DRD2: variants seen among roughly 807,000 people sequenced by gnomAD.
The protein encoded by DRD2 is dopamine receptor D2.
Under a neutral mutation model 38.0 loss-of-function variants are expected in DRD2, and 8 were observed. The ratio of observed to expected loss-of-function variants is 0.21; its 90% CI spans 0.12 to 0.38. The LOEUF (loss-of-function observed/expected upper bound fraction) is 0.38, where lower values mean the gene tolerates loss of function less well. DRD2 is among the 10% of genes least tolerant of loss of function. The pLI is 1.00. For missense variants in DRD2, 403 were observed against 607.7 expected, an observed-to-expected ratio of 0.66 and a Z score of 3.54; for synonymous variants, 230 against 238.6, an observed-to-expected ratio of 0.96 and a Z score of 0.33.
intron 1 of DRD2, among the ~76,000 whole-genome samples, chr11:113,459,645 G>C (rs567082985): frequency 3.0e-4 from 46 of 152,318 alleles, no homozygotes; most frequent in African/African-American, 1.0e-3. Flanking sequence ...GGGAAGGGGA[G>C]GGGGAGATGG....
chr11:113,424,271 A>T (rs77162257), intron 2 of DRD2, 96 bp downstream of exon 2: 1 of 1,376,680 alleles, frequency 7.3e-7, no homozygotes, highest in Non-Finnish European at 1.0e-6. Context: ...GCACCAGGAA[A>T]CTCATTGGTA....
At chr11:113,427,483 C>T (rs1436859313) in intron 1 of DRD2, among the ~76,000 whole-genome samples, 2 of 152,108 alleles carry the variant, frequency 1.3e-5, no homozygotes, top group Non-Finnish European at 2.9e-5. Context: ...AGAGTTACAA[C>T]ATGTCTTGCT....
chr11:113,472,962 T>C (rs1351869364), intron 1 of DRD2, among the ~76,000 whole-genome samples: 1 of 152,168 alleles, frequency 6.6e-6, no homozygotes, highest in African/African-American at 2.4e-5. Flanking sequence ...TCAGCAAAGA[T>C]TTAATCAGGG....
chr11:113,473,889 G>T (rs1490384196), intron 1 of DRD2, among the ~76,000 whole-genome samples: 1 of 152,248 alleles, frequency 6.6e-6, no homozygotes, highest in Non-Finnish European at 1.5e-5. Flanking sequence ...TGCATTTGAA[G>T]CAGGGTGGGA....
At chr11:113,470,353 G>A (rs749887752) in intron 1 of DRD2, among the ~76,000 whole-genome samples, 1 of 152,164 alleles carries the variant, frequency 6.6e-6, no homozygotes, top group Non-Finnish European at 1.5e-5. Context: ...GATTATCGTT[G>A]GGGCCACAGC....
chr11:113,412,434 G>A, intron 7 of DRD2, 122 bp downstream of exon 7: 2 of 1,233,820 alleles, frequency 1.6e-6, no homozygotes, highest in Non-Finnish European at 2.3e-6. Context: ...TATGTCAATG[G>A]GCTTGGCCTG....
rs1565658184 is a variant in DRD2 at position 113,410,775 on chromosome 11, G to A, written c.1284C>T (p.Thr428=). The change falls in exon 8 of 8, where the codon ACC becomes ACT. Residue 428 remains threonine, a synonymous_variant. Transcript: ENST00000362072. ...AGGCCTTGCGGAACTCAATGTTGAA[G>A]GTGGTGTAGATGATGGGGTTCACGG... ...NSAVNPIIYT[T]FNIEFRKAFL... 2 of 1,614,234 alleles carry A rather than the reference G, an allele frequency of 1.2e-6. No individual in the cohort carries two copies. Among genetic ancestry groups the A allele is most frequent in the East Asian group, 2.2e-5 (1 of 44,896 alleles).
chr11:113,441,602 AT>A (rs1450614309), intron 1 of DRD2, among the ~76,000 whole-genome samples: 4 of 152,220 alleles, frequency 2.6e-5, no homozygotes, highest in Admixed American at 6.5e-5. Context: ...GGTCGTCCAG[AT>A]AGTCCCCTTT....
At chr11:113,462,668 T>C (rs978540442) in intron 1 of DRD2, among the ~76,000 whole-genome samples, 2 of 152,214 alleles carry the variant, frequency 1.3e-5, no homozygotes, top group Non-Finnish European at 2.9e-5. Flanking sequence ...CTGTGAGCTC[T>C]ACAGAGGTTC....
At chr11:113,472,082 T>C (rs1951433136) in intron 1 of DRD2, among the ~76,000 whole-genome samples, 1 of 152,128 alleles carries the variant, frequency 6.6e-6, no homozygotes, top group Non-Finnish European at 1.5e-5. Flanking sequence ...CGGGGAGAAG[T>C]GGTGGGTGCC....
chr11:113,452,534 C>T (rs528767990), intron 1 of DRD2, among the ~76,000 whole-genome samples: 15 of 151,906 alleles, frequency 9.9e-5, no homozygotes, highest in African/African-American at 3.6e-4. Context: ...GATCCACCCT[C>T]ACCTCCCCAG....
chr11:113,419,088 G>A (rs1950855894), intron 2 of DRD2, among the ~76,000 whole-genome samples: 1 of 152,216 alleles, frequency 6.6e-6, no homozygotes, highest in Non-Finnish European at 1.5e-5. Flanking sequence ...TCCAAAAAGT[G>A]CAGTGATTTC....
intron 1 of DRD2, among the ~76,000 whole-genome samples, chr11:113,452,463 TGTGTGTGC>T (rs1388044628): frequency 1.4e-4 from 13 of 89,760 alleles, no homozygotes; most frequent in East Asian, 1.1e-3. Context: ...TGTGTGTGTG[TGTGTGTGC>T]GCGCGCGCGC....
At chr11:113,437,351 G>T (rs1951048395) in intron 1 of DRD2, among the ~76,000 whole-genome samples, 1 of 151,870 alleles carries the variant, frequency 6.6e-6, no homozygotes, top group African/African-American at 2.4e-5. Context: ...ACAGTCCTGT[G>T]TCCGAGGCAC....
In DRD2 at chr11:113,416,969, G is replaced by A. The variant is rs71653612; in HGVS notation, c.426C>T (p.Tyr142=). Residue 142 remains tyrosine (Y), a synonymous_variant, in exon 4 of 8, where the codon TAC becomes TAT. Coordinates refer to ENST00000362072, the MANE Select transcript of DRD2 (RefSeq NM_000795.4). ...RYTAVAMPML[Y]NTRYSSKRRV... ...GGCGCTTGGAGCTGTAGCGCGTATTGTACAGCATGGGCATGGCCACAGCTG... is the reference window on the plus strand; with the variant it reads ...GGCGCTTGGAGCTGTAGCGCGTATTATACAGCATGGGCATGGCCACAGCTG... 873 of 1,614,096 alleles carry A rather than the reference G, an allele frequency of 5.4e-4. 2 individuals carry two copies. The highest frequency in any genetic ancestry group is 6.7e-4 in the Non-Finnish European group (789 of 1,180,002).
intron 3 of DRD2, 65 bp from the exon 4 acceptor site, chr11:113,417,064 A>G: frequency 1.3e-6 from 2 of 1,588,494 alleles, no homozygotes; most frequent in Non-Finnish European, 1.7e-6. Context: ...CACAATATGC[A>G]CACACCAGAG....
intron 4 of DRD2, among the ~76,000 whole-genome samples, chr11:113,416,559 A>G (rs1950829342): frequency 6.6e-6 from 1 of 152,258 alleles, no homozygotes; most frequent in South Asian, 2.1e-4. Context: ...TTTGTGAAGC[A>G]CGTCTTGCCT....
At position 113,412,598 on chromosome 11, in the gene DRD2, G is replaced by T. The variant is rs779477138; in HGVS notation, c.1096C>A (p.Gln366Lys). 7.4e-6 allele frequency: 12 copies of T among 1,614,030 alleles called. No homozygotes were observed. In the Admixed American group the frequency reaches 1.3e-4, roughly 18 times the overall value. Reference protein sequence around the residue: ...KTMSRRKLSQQKEKKATQMLA... With the variant: ...KTMSRRKLSQKKEKKATQMLA... ...ATCTGAGTGGCTTTCTTCTCCTTCT[G>T]CTGGGAGAGCTTCCTACGGCTCATG... Residue 366 changes from glutamine (Q) to lysine (K), a missense_variant, in exon 7 of 8, where the codon CAG becomes AAG. By Grantham distance (53) the Gln-to-Lys change is moderately conservative (BLOSUM62 1). Coordinates refer to ENST00000362072, the MANE Select transcript of DRD2 (RefSeq NM_000795.4).
intron 1 of DRD2, among the ~76,000 whole-genome samples, chr11:113,445,217 G>A (rs532142605): frequency 2.0e-5 from 3 of 152,298 alleles, no homozygotes; most frequent in East Asian, 3.9e-4. Context: ...TCCTGGATTC[G>A]ATCCTGGGCC....
Sources: allele counts gnomAD v4.1 joint callset (sites outside exome capture counted in the v4.1 genomes callset), GRCh38; gene constraint gnomAD v4.1.1; transcripts MANE v1.5; gene names NCBI Gene and HGNC (gene_info 2026-07-23, HGNC 2026-07-21).